The following LSAMP variants were observed in gnomAD, a reference collection of about 807,000 sequenced individuals.
The protein encoded by LSAMP is limbic system associated membrane protein, also known as limbic system-associated membrane protein.
Under a neutral mutation model 38.6 loss-of-function variants are expected in LSAMP, and 7 were observed. The ratio of observed to expected loss-of-function variants is 0.18; its 90% confidence interval spans 0.10 to 0.34. LSAMP has a LOEUF of 0.34. LSAMP is among the 10% of genes least tolerant of loss of function. LSAMP has a pLI of 1.00. For synonymous variants in LSAMP, 154 were observed against 166.8 expected (o/e 0.92, Z 0.59); for missense variants, 313 against 420.0 (o/e 0.75, Z 2.23).
chr3:116,336,205 T>C (rs1199899198), intron 1 of LSAMP, among the ~76,000 whole-genome samples: 1 of 151,966 alleles, frequency 6.6e-6, no homozygotes, highest in Non-Finnish European at 1.5e-5. Flanking sequence ...GATTTGGCAA[T>C]GATATCTTGG....
intron 1 of LSAMP, among the ~76,000 whole-genome samples, chr3:116,214,205 T>C (rs2046194038): frequency 6.6e-6 from 1 of 152,210 alleles, no homozygotes; most frequent in Non-Finnish European, 1.5e-5. Context: ...TTTAATGGAA[T>C]TTAATGGCAA....
intron 1 of LSAMP, among the ~76,000 whole-genome samples, chr3:116,216,789 G>A (rs1033284219): frequency 6.6e-6 from 1 of 152,180 alleles, no homozygotes; most frequent in African/African-American, 2.4e-5. Flanking sequence ...TTGCAGTTCT[G>A]TTGAAATATT....
Position 115,831,884 on chromosome 3 carries a change from C to T in LSAMP, c.919+9961G>A, listed in dbSNP as rs564682771. ...GTTTTATATTTTGTTTTGTTTTTGG[C>T]AGATGGGGGAAGGATATTTGAAAAT... On this transcript the variant is annotated intron_variant, in intron 6 of 6. Coordinates refer to ENST00000490035, the MANE Select transcript of LSAMP (RefSeq NM_002338.5). 4.2e-4 allele frequency among the ~76,000 whole-genome samples: 64 copies of T among 152,094 alleles called. 1 individual carries two copies. The highest frequency in any genetic ancestry group is 2.9e-3 in the South Asian group (14 of 4,818).
intron 1 of LSAMP, among the ~76,000 whole-genome samples, chr3:116,245,446 G>T (rs2046593132): frequency 6.6e-6 from 1 of 152,132 alleles, no homozygotes; most frequent in South Asian, 2.1e-4. Flanking sequence ...CCCAAGGAGT[G>T]AAATTCAAAT....
intron 6 of LSAMP, among the ~76,000 whole-genome samples, chr3:115,824,001 T>C (rs1310001687): frequency 1.3e-5 from 2 of 152,234 alleles, no homozygotes; most frequent in Non-Finnish European, 2.9e-5. Flanking sequence ...GCAGTCTCAC[T>C]AAACACTCTC....
chr3:116,011,330 A>G (rs1336766403), intron 3 of LSAMP, among the ~76,000 whole-genome samples: 1 of 152,224 alleles, frequency 6.6e-6, no homozygotes, highest in African/African-American at 2.4e-5. Flanking sequence ...AAGGTCTTGC[A>G]AGAATAAGTT....
chr3:116,292,993 TTCTC>T (rs1466508227), intron 1 of LSAMP, among the ~76,000 whole-genome samples: 5 of 152,186 alleles, frequency 3.3e-5, no homozygotes, highest in African/African-American at 1.2e-4. Flanking sequence ...AACTATTTCT[TTCTC>T]TATTTATTTC....
chr3:115,955,231 G>C (rs1938419424), intron 3 of LSAMP, among the ~76,000 whole-genome samples: 1 of 152,138 alleles, frequency 6.6e-6, no homozygotes, highest in South Asian at 2.1e-4. Context: ...ACCGCGCCTG[G>C]CCATGTTTTT....
intron 1 of LSAMP, among the ~76,000 whole-genome samples, chr3:116,273,707 T>TATATATATATATATATATACATACAC (rs1307543165): frequency 9.7e-6 from 1 of 102,650 alleles, no homozygotes; most frequent in Non-Finnish European, 1.8e-5. Context: ...TATATATATA[T>TATATATATATATATATATACATACAC]ACACACACAC....
intron 1 of LSAMP, among the ~76,000 whole-genome samples, chr3:116,193,109 T>C (rs890496370): frequency 6.6e-6 from 1 of 152,238 alleles, no homozygotes; most frequent in African/African-American, 2.4e-5. Flanking sequence ...CACATTCATA[T>C]ACATAAACTT....
At chr3:115,841,658 G>T in intron 6 of LSAMP, 187 bp downstream of exon 6, 2 of 523,164 alleles carry the variant, frequency 3.8e-6, no homozygotes. Context: ...AGACTATAGA[G>T]AGAAGTTGTT....
At chr3:115,826,555 ACTT>A (rs1934416544) in intron 6 of LSAMP, among the ~76,000 whole-genome samples, 1 of 152,272 alleles carries the variant, frequency 6.6e-6, no homozygotes, top group South Asian at 2.1e-4. Flanking sequence ...TTCATTAAGT[ACTT>A]CTCCATTTGG....
rs183803012 is a variant in LSAMP, at chr3:115,805,494, A to T, written c.*4823T>A. The stretch of plus-strand genomic sequence containing the variant: ...TTATGTACATAAACTAGTGATTTAC[A>T]TTGATTTACACATGATTGGTGCCTA... On this transcript the variant is annotated 3_prime_UTR_variant, in exon 7 of 7. Transcript: ENST00000490035. 6.6e-6 allele frequency: 1 copy of T among 152,188 alleles called. No individual in the cohort carries two copies. Among genetic ancestry groups the T allele is most frequent in the Non-Finnish European group, 1.5e-5 (1 of 68,018 alleles). 9.4% of individuals were successfully genotyped at this position (152,188 alleles called of 1,614,324 possible). A position where few individuals can be genotyped will look rare whatever the true frequency, so the allele number is the denominator to read the frequency against.
At chr3:116,164,129 T>C (rs890195807) in intron 1 of LSAMP, among the ~76,000 whole-genome samples, 1 of 152,140 alleles carries the variant, frequency 6.6e-6, no homozygotes, top group East Asian at 1.9e-4. Context: ...TGTACAAATA[T>C]TGGGTAATAG....
intron 3 of LSAMP, among the ~76,000 whole-genome samples, chr3:115,909,784 G>A (rs2107502193): frequency 6.6e-6 from 1 of 152,264 alleles, no homozygotes; most frequent in South Asian, 2.1e-4. Context: ...TGGGTGGGGA[G>A]TAGTAAGAAG....
chr3:116,059,693 C>T lies in LSAMP; in HGVS notation c.388+26631G>A, dbSNP rs543917809. 2.0e-5 allele frequency among the ~76,000 whole-genome samples: 3 copies of T among 152,206 alleles called. No homozygotes were observed. In the South Asian group the frequency reaches 6.2e-4, roughly 32 times the overall value. On this transcript the variant is annotated intron_variant, in intron 2 of 6. Transcript: ENST00000490035. ...TCTATGAGCCTTCACACACAAGCAG[C>T]CAAGCAGATACAAATGAGCTCTTTT... is the stretch of plus-strand genomic sequence containing the variant.
At chr3:116,206,721 A>G (rs2046074962) in intron 1 of LSAMP, among the ~76,000 whole-genome samples, 1 of 151,824 alleles carries the variant, frequency 6.6e-6, no homozygotes, top group South Asian at 2.1e-4. Context: ...GTTTTGAGTG[A>G]GATTCTTAAT....
intron 2 of LSAMP, among the ~76,000 whole-genome samples, chr3:116,048,100 T>C (rs1941327554): frequency 6.6e-6 from 1 of 152,200 alleles, no homozygotes; most frequent in Admixed American, 6.5e-5. Flanking sequence ...CTAATAAATA[T>C]CTGCCAAAAG....
chr3:115,855,182 A>C (rs1207884515), intron 3 of LSAMP, among the ~76,000 whole-genome samples: 4 of 152,214 alleles, frequency 2.6e-5, no homozygotes, highest in Non-Finnish European at 5.9e-5. Flanking sequence ...ACAAAAACTA[A>C]ACAGTTGCAG....
Sources: gnomAD v4.1 joint callset for allele counts (sites outside exome capture counted in the v4.1 genomes callset) on GRCh38, gnomAD v4.1.1 for gene constraint, MANE v1.5 for transcripts, NCBI Gene and HGNC (gene_info 2026-07-23, HGNC 2026-07-21) for gene names.